Variants in MAST4 observed in about 807,000 individuals in gnomAD.
MAST4 encodes microtubule associated serine/threonine kinase family member 4, also known as microtubule-associated serine/threonine-protein kinase 4.
In MAST4, 89 loss-of-function variants were observed where a neutral mutation model predicts 162.7. The ratio of observed to expected loss-of-function variants is 0.55; its 90% confidence interval spans 0.46 to 0.65. The LOEUF is 0.65. Among genes scored for constraint, MAST4 ranks in the 30% least tolerant of loss-of-function variants. The pLI, the probability that MAST4 is intolerant of heterozygous loss-of-function variation, is 0.00. For missense variants in MAST4, 3,153 were observed against 3,374.0 expected (o/e 0.93, Z 1.62); for synonymous variants, 1,479 against 1,361.1 (o/e 1.09, Z -1.91).
At chr5:66,854,631 C>T (rs1580664033) in intron 3 of MAST4, among the ~76,000 whole-genome samples, 1 of 152,096 alleles carries the variant, frequency 6.6e-6, no homozygotes, top group African/African-American at 2.4e-5. Context: ...AGGGCAGTCC[C>T]TCCTTCTTCT....
chr5:66,755,527 A>G (rs551939410), intron 1 of MAST4, among the ~76,000 whole-genome samples: 34 of 152,222 alleles, frequency 2.2e-4, no homozygotes, highest in Middle Eastern at 3.2e-3. Flanking sequence ...ATAGCCGTAG[A>G]TAAAGAAATC....
chr5:66,717,120 C>T (rs1004677194), intron 1 of MAST4, among the ~76,000 whole-genome samples: 1 of 152,132 alleles, frequency 6.6e-6, no homozygotes, highest in Admixed American at 6.5e-5. Flanking sequence ...GCCTGGACTT[C>T]AGGCTAAGCA....
intron 3 of MAST4, among the ~76,000 whole-genome samples, chr5:66,820,895 A>C (rs936259669): frequency 6.6e-6 from 1 of 152,250 alleles, no homozygotes; most frequent in East Asian, 1.9e-4. Context: ...GAGAAAAAAA[A>C]AGATGATGCA....
At chr5:66,981,368 A>G (rs908372297) in intron 4 of MAST4, among the ~76,000 whole-genome samples, 27 of 152,226 alleles carry the variant, frequency 1.8e-4, no homozygotes, top group African/African-American at 6.3e-4. Context: ...GGAATGGCTA[A>G]TAATAGATAC....
chr5:66,920,183 A>G (rs892706443), intron 4 of MAST4, among the ~76,000 whole-genome samples: 1 of 152,174 alleles, frequency 6.6e-6, no homozygotes, highest in Non-Finnish European at 1.5e-5. Flanking sequence ...GAGGTGACAA[A>G]TGATACAAAC....
intron 1 of MAST4, among the ~76,000 whole-genome samples, chr5:66,666,690 C>A (rs1030306730): frequency 2.0e-5 from 3 of 152,110 alleles, no homozygotes; most frequent in Non-Finnish European, 4.4e-5. Flanking sequence ...ATGTGTAAGC[C>A]CACAGTTTGA....
intron 5 of MAST4, among the ~76,000 whole-genome samples, chr5:67,084,692 C>T (rs1763052132): frequency 6.6e-6 from 1 of 151,930 alleles, no homozygotes; most frequent in Non-Finnish European, 1.5e-5. Context: ...TGTTATACTC[C>T]ATTTAGTTTT....
At chr5:66,608,985 T>A (rs1211974326) in intron 1 of MAST4, among the ~76,000 whole-genome samples, 2 of 152,056 alleles carry the variant, frequency 1.3e-5, no homozygotes, top group Non-Finnish European at 2.9e-5. Flanking sequence ...CTAGATGGAA[T>A]CACAAAGGAT....
chr5:66,792,715 C>G (rs1755473246), intron 3 of MAST4, among the ~76,000 whole-genome samples: 1 of 152,154 alleles, frequency 6.6e-6, no homozygotes. Context: ...TTGAGTTTCA[C>G]ATCAGCCACT....
intron 3 of MAST4, among the ~76,000 whole-genome samples, chr5:66,884,273 A>C (rs189142246): frequency 1.6e-4 from 24 of 152,366 alleles, no homozygotes; most frequent in African/African-American, 5.5e-4. Flanking sequence ...ATCTTAAAAT[A>C]AGTAAATCCT....
chr5:67,071,586 C>T (rs1761000342), intron 5 of MAST4, among the ~76,000 whole-genome samples: 1 of 152,106 alleles, frequency 6.6e-6, no homozygotes, highest in Non-Finnish European at 1.5e-5. Context: ...ATGGCAAAAC[C>T]CCGTCTCTAC....
At chr5:66,684,454 C>A (rs1021658510) in intron 1 of MAST4, among the ~76,000 whole-genome samples, 2 of 151,952 alleles carry the variant, frequency 1.3e-5, no homozygotes, top group Non-Finnish European at 2.9e-5. Flanking sequence ...TCATTTGAAG[C>A]GACAGTAGGT....
At chr5:66,938,156 T>C (rs1265579294) in intron 4 of MAST4, among the ~76,000 whole-genome samples, 1 of 152,134 alleles carries the variant, frequency 6.6e-6, no homozygotes, top group Non-Finnish European at 1.5e-5. Context: ...TTTAGAACTG[T>C]CATATTGCCT....
At chr5:66,977,012 C>T (rs770604060) in intron 4 of MAST4, among the ~76,000 whole-genome samples, 13 of 152,096 alleles carry the variant, frequency 8.5e-5, no homozygotes, top group South Asian at 2.1e-4. Flanking sequence ...TTAAACCAAG[C>T]GACAGATCTC....
intron 1 of MAST4, among the ~76,000 whole-genome samples, chr5:66,617,453 T>G (rs1422564863): frequency 6.6e-6 from 1 of 151,568 alleles, no homozygotes; most frequent in Non-Finnish European, 1.5e-5. Context: ...ACACTTTGGG[T>G]CAGTAAAAGC....
At chr5:66,968,873 G>A (rs1747076147) in intron 4 of MAST4, among the ~76,000 whole-genome samples, 1 of 152,282 alleles carries the variant, frequency 6.6e-6, no homozygotes, top group South Asian at 2.1e-4. Context: ...GATATGCCTA[G>A]CTATGGTGAG....
intron 5 of MAST4, among the ~76,000 whole-genome samples, chr5:67,077,665 G>T (rs1466160288): frequency 6.6e-6 from 1 of 152,166 alleles, no homozygotes; most frequent in Non-Finnish European, 1.5e-5. Context: ...TCACTGGAAG[G>T]AAGTGTAGGT....
At position 66,868,322 on chromosome 5, in the gene MAST4, A is replaced by G. The variant is rs139638852; in HGVS notation, c.643-31629A>G. On this transcript the variant is annotated intron_variant, in intron 3 of 28. Coordinates refer to ENST00000403625, the MANE Select transcript of MAST4 (RefSeq NM_001164664.2). ...GCATGTTCAGCTTCTGAGGAATTAA[A>G]TTCTTCTCAAAGGTTCCCCTCTTGG... Among the ~76,000 whole-genome samples, 67 of 152,072 alleles carry G rather than the reference A, an allele frequency of 4.4e-4. No individual in the cohort carries two copies. In the East Asian group the frequency reaches 8.5e-3, roughly 19 times the overall value.
At position 66,844,975 on chromosome 5, in the gene MAST4, G is replaced by A. The variant is rs375288817; in HGVS notation, c.643-54976G>A. On this transcript the variant is annotated intron_variant, in intron 3 of 28. Coordinates refer to ENST00000403625, the MANE Select transcript of MAST4 (RefSeq NM_001164664.2). ...AACAATCTAGGTGTCATTATCTTAT[G>A]GGTGCTAAATGAAGCCATGGGAGTG... Among the ~76,000 whole-genome samples, 6 of 151,090 alleles carry A rather than the reference G, an allele frequency of 4.0e-5. No homozygotes were observed. The East Asian group carries it at 1.2e-3, about 30-fold the overall frequency.
Sources: gnomAD v4.1 joint callset for allele counts (sites outside exome capture counted in the v4.1 genomes callset) on GRCh38, gnomAD v4.1.1 for gene constraint, MANE v1.5 for transcripts, NCBI Gene and HGNC (gene_info 2026-07-23, HGNC 2026-07-21) for gene names.